Variants in AFDN observed in about 807,000 individuals in gnomAD.
AFDN encodes the protein afadin.
Under a neutral mutation model 216.6 loss-of-function variants are expected in AFDN, and 68 were observed. The ratio of observed to expected loss-of-function variants is 0.31; its 90% CI spans 0.26 to 0.38. The LOEUF (loss-of-function observed/expected upper bound fraction) is 0.38, where lower values mean the gene tolerates loss of function less well. AFDN is among the 10% of genes least tolerant of loss of function. AFDN has a pLI of 1.00. For missense variants in AFDN, 2,136 were observed against 2,342.0 expected, an observed-to-expected ratio of 0.91 and a Z score of 1.82; for synonymous variants, 868 against 853.7, an observed-to-expected ratio of 1.02 and a Z score of -0.29.
chr6:167,870,837 A>T (rs1274772224), intron 3 of AFDN, among the ~76,000 whole-genome samples: 1 of 152,184 alleles, frequency 6.6e-6, no homozygotes, highest in Non-Finnish European at 1.5e-5. Flanking sequence ...AAGGGAAAAT[A>T]ACGCTTTTAT....
chr6:167,828,382 G>A (rs937649230), intron 1 of AFDN, among the ~76,000 whole-genome samples: 1 of 152,198 alleles, frequency 6.6e-6, no homozygotes, highest in Non-Finnish European at 1.5e-5. Context: ...TGCCAGTCAT[G>A]GGAAGGACTC....
intron 1 of AFDN, among the ~76,000 whole-genome samples, chr6:167,830,485 A>G (rs1779705771): frequency 6.6e-6 from 1 of 152,228 alleles, no homozygotes. Flanking sequence ...CTAAAAATGT[A>G]GTGAAGAGTG....
intron 1 of AFDN, among the ~76,000 whole-genome samples, chr6:167,844,284 C>T (rs765726650): frequency 2.0e-5 from 3 of 151,710 alleles, no homozygotes; most frequent in Non-Finnish European, 4.4e-5. Context: ...AAGCAATCCT[C>T]CTGCCTCCCA....
At chr6:167,941,730 A>G in intron 23 of AFDN, among the ~76,000 whole-genome samples, 1 of 77,152 alleles carries the variant, frequency 1.3e-5, no homozygotes, top group Non-Finnish European at 2.4e-5. Context: ...GGTGGAAACC[A>G]TCCACAGGAG....
chr6:167,860,740 G>C (rs760978775), intron 1 of AFDN, among the ~76,000 whole-genome samples: 1 of 152,214 alleles, frequency 6.6e-6, no homozygotes, highest in Non-Finnish European at 1.5e-5. Flanking sequence ...TCTAGACGTG[G>C]TGGATGAGGT....
At chr6:167,833,518 T>TAAGTTTAA (rs1780054884) in intron 1 of AFDN, among the ~76,000 whole-genome samples, 1 of 152,222 alleles carries the variant, frequency 6.6e-6, no homozygotes, top group Non-Finnish European at 1.5e-5. Flanking sequence ...TTCTGCTCTT[T>TAAGTTTAA]GCAGACTTAA....
At chr6:167,831,546 C>A (rs535523663) in intron 1 of AFDN, among the ~76,000 whole-genome samples, 1 of 152,144 alleles carries the variant, frequency 6.6e-6, no homozygotes, top group Non-Finnish European at 1.5e-5. Flanking sequence ...TTGCTGTCTT[C>A]CTGCCAGTGA....
At chr6:167,838,272 T>C (rs1362487802) in intron 1 of AFDN, among the ~76,000 whole-genome samples, 1 of 152,014 alleles carries the variant, frequency 6.6e-6, no homozygotes, top group Non-Finnish European at 1.5e-5. Flanking sequence ...TTTGACAGCA[T>C]TGGCTGTGAC....
chr6:167,855,940 C>G (rs1475080614), intron 1 of AFDN, among the ~76,000 whole-genome samples: 1 of 152,128 alleles, frequency 6.6e-6, no homozygotes, highest in African/African-American at 2.4e-5. Context: ...TAGCCAGGAT[C>G]AACTGTGGTC....
intron 8 of AFDN, among the ~76,000 whole-genome samples, chr6:167,893,319 AAAT>A (rs1234847524): frequency 6.6e-6 from 1 of 152,210 alleles, no homozygotes; most frequent in Non-Finnish European, 1.5e-5. Flanking sequence ...ATTTATGAGA[AAAT>A]AATATTCATA....
intron 24 of AFDN, 73 bp from the exon 25 acceptor site, chr6:167,943,329 C>T (rs767084909): frequency 3.0e-5 from 44 of 1,473,834 alleles, no homozygotes; most frequent in Non-Finnish European, 3.4e-5. Context: ...ATCTACTCAT[C>T]ATTACCTTTT....
chr6:167,869,857 A>G (rs1034475709), intron 2 of AFDN, among the ~76,000 whole-genome samples: 2 of 152,210 alleles, frequency 1.3e-5, no homozygotes, highest in African/African-American at 4.8e-5. Flanking sequence ...TAAGTGTTGA[A>G]GTGGGCAAAT....
intron 6 of AFDN, among the ~76,000 whole-genome samples, chr6:167,882,399 C>G (rs1786231866): frequency 6.6e-6 from 1 of 151,822 alleles, no homozygotes; most frequent in South Asian, 2.1e-4. Context: ...GGCATGGTGG[C>G]TCACTCCTGT....
intron 8 of AFDN, among the ~76,000 whole-genome samples, chr6:167,893,243 GT>G (rs1170656883): frequency 2.6e-5 from 4 of 152,156 alleles, no homozygotes; most frequent in African/African-American, 9.7e-5. Context: ...TCATGATGTC[GT>G]TTTAGGTTTT....
intron 26 of AFDN, among the ~76,000 whole-genome samples, chr6:167,944,336 C>A (rs965212363): frequency 6.6e-6 from 1 of 151,982 alleles, no homozygotes; most frequent in East Asian, 1.9e-4. Context: ...TTCCATAGGC[C>A]CGGCACATAG....
rs59521151 is a variant in AFDN, at chr6:167,956,114, CAA to C, written c.4833+3952_4833+3953del. ...TGGGGAACAGAGCGAGACTTTGGCTCAAAAAAAAAAAAAAAAAAAAAAAAAAC... is the reference window on the plus strand; with the variant it reads ...TGGGGAACAGAGCGAGACTTTGGCTCAAAAAAAAAAAAAAAAAAAAAAAAC... On this transcript the variant is annotated intron_variant, in intron 30 of 33. Transcript: ENST00000683244. Among the ~76,000 whole-genome samples the C allele has an allele frequency of 9.8e-3, 404 of 41,274 alleles. 2 individuals are homozygous for C. The highest frequency in any genetic ancestry group is 0.034 in the African/African-American group (380 of 11,024). The allele number at this position is 41,274 out of a possible 152,430, so 27.1% of individuals were successfully genotyped here.
chr6:167,893,709 G>A, intron 8 of AFDN, 153 bp from the exon 9 acceptor site: 1 of 645,050 alleles, frequency 1.6e-6, no homozygotes. Flanking sequence ...AAAAGCTGAT[G>A]GGTGAAGTGT....
chr6:167,954,428 T>C, intron 30 of AFDN: 1 of 951,794 alleles, frequency 1.1e-6, no homozygotes, highest in South Asian at 2.3e-5. Flanking sequence ...TTCATCTTTC[T>C]TTTTTTTTTT....
At position 167,860,540 on chromosome 6, in the gene AFDN, A is replaced by T. The variant is rs1205301244; in HGVS notation, c.106-4011A>T. On this transcript the variant is annotated intron_variant, in intron 1 of 33. Coordinates refer to ENST00000683244, the MANE Select transcript of AFDN (RefSeq NM_001386888.1). ...AGCACTTACCTGTGTGTGAGGTAGC[A>T]TGAGTTGCTTTATATATTTTGTTTA... Among the ~76,000 whole-genome samples the T allele has an allele frequency of 2.0e-5, 3 of 152,178 alleles. No homozygotes were observed. In the East Asian group the frequency reaches 5.8e-4, roughly 29 times the overall value.
Sources: gnomAD v4.1 joint callset for allele counts (sites outside exome capture counted in the v4.1 genomes callset) on GRCh38, gnomAD v4.1.1 for gene constraint, MANE v1.5 for transcripts, NCBI Gene and HGNC (gene_info 2026-07-23, HGNC 2026-07-21) for gene names.